GRID2: variants seen among roughly 807,000 people sequenced by gnomAD.
GRID2 encodes glutamate receptor ionotropic, delta-2.
Under a neutral mutation model 114.8 loss-of-function variants are expected in GRID2, and 33 were observed. That is an observed-to-expected ratio of 0.29 (90% CI 0.22 to 0.38). The LOEUF (loss-of-function observed/expected upper bound fraction) is 0.38. Among genes scored for constraint, GRID2 ranks in the 10% least tolerant of loss-of-function variants. GRID2 has a pLI of 1.00. For missense variants in GRID2, 1,184 were observed against 1,257.7 expected, an observed-to-expected ratio of 0.94 and a Z score of 0.89; for synonymous variants, 505 against 449.9, an observed-to-expected ratio of 1.12 and a Z score of -1.55.
At chr4:92,784,993 A>G (rs1560590354) in intron 2 of GRID2, among the ~76,000 whole-genome samples, 1 of 151,624 alleles carries the variant, frequency 6.6e-6, no homozygotes, top group Non-Finnish European at 1.5e-5. Context: ...AAATCCTTTT[A>G]GAATGTGGAA....
intron 13 of GRID2, among the ~76,000 whole-genome samples, chr4:93,517,873 C>T (rs903334442): frequency 3.3e-5 from 5 of 150,180 alleles, no homozygotes; most frequent in Non-Finnish European, 7.4e-5. Context: ...TCTATAATAT[C>T]TTGGGCAAGA....
At chr4:92,599,466 C>T (rs1480187692) in intron 2 of GRID2, among the ~76,000 whole-genome samples, 1 of 152,058 alleles carries the variant, frequency 6.6e-6, no homozygotes, top group African/African-American at 2.4e-5. Context: ...GTTATCTTTC[C>T]ATGCTTTGCA....
intron 2 of GRID2, among the ~76,000 whole-genome samples, chr4:92,870,010 T>C (rs1050493443): frequency 6.6e-6 from 1 of 151,012 alleles, no homozygotes; most frequent in Non-Finnish European, 1.5e-5. Context: ...GAGCAACCAA[T>C]ATAGTGAGAC....
chr4:92,415,346 G>T (rs1731543784), intron 1 of GRID2, among the ~76,000 whole-genome samples: 1 of 151,022 alleles, frequency 6.6e-6, no homozygotes, highest in African/African-American at 2.4e-5. Context: ...TAATAGTTTT[G>T]GGAGAACAGG....
chr4:93,381,958 C>T (rs1222728532), intron 8 of GRID2, among the ~76,000 whole-genome samples: 1 of 152,074 alleles, frequency 6.6e-6, no homozygotes, highest in Non-Finnish European at 1.5e-5. Flanking sequence ...CTCCTCTCAA[C>T]TTTTGTATAC....
intron 1 of GRID2, among the ~76,000 whole-genome samples, chr4:93,806,176 G>A (rs1735025315): frequency 1.3e-5 from 2 of 152,190 alleles, no homozygotes; most frequent in Admixed American, 1.3e-4. Flanking sequence ...TTTGATTTGT[G>A]ATTATAAACA....
At chr4:93,568,803 G>C (rs1448076587) in intron 13 of GRID2, among the ~76,000 whole-genome samples, 1 of 152,104 alleles carries the variant, frequency 6.6e-6, no homozygotes, top group Non-Finnish European at 1.5e-5. Context: ...TTCAATAACT[G>C]TACTTTAAAC....
At chr4:93,637,023 T>G (rs1721470950) in intron 14 of GRID2, among the ~76,000 whole-genome samples, 1 of 152,164 alleles carries the variant, frequency 6.6e-6, no homozygotes, top group Admixed American at 6.6e-5. Flanking sequence ...GTCAATATAT[T>G]ACATAAAAGA....
At chr4:92,604,535 G>A (rs764461493) in intron 2 of GRID2, among the ~76,000 whole-genome samples, 1 of 151,878 alleles carries the variant, frequency 6.6e-6, no homozygotes, top group Non-Finnish European at 1.5e-5. Context: ...GACTTTTGGG[G>A]GTTATGGAGA....
intron 8 of GRID2, among the ~76,000 whole-genome samples, chr4:93,387,065 C>T (rs1764389218): frequency 6.6e-6 from 1 of 152,128 alleles, no homozygotes; most frequent in African/African-American, 2.4e-5. Flanking sequence ...TTTGTATTGC[C>T]TAGGGCAGGG....
chr4:93,003,177 A>T (rs2149219307), intron 2 of GRID2, among the ~76,000 whole-genome samples: 1 of 152,054 alleles, frequency 6.6e-6, no homozygotes, highest in Middle Eastern at 3.4e-3. Flanking sequence ...TCAGCCTACC[A>T]AAATGATACA....
chr4:93,203,270 C>A (rs933733084), intron 4 of GRID2, among the ~76,000 whole-genome samples: 41 of 152,190 alleles, frequency 2.7e-4, no homozygotes, highest in African/African-American at 9.4e-4. Flanking sequence ...TGAATATTTT[C>A]TCAGATAATA....
intron 2 of GRID2, among the ~76,000 whole-genome samples, chr4:92,904,339 AAAAT>A (rs1441577671): frequency 5.3e-5 from 8 of 149,852 alleles, no homozygotes; most frequent in South Asian, 2.1e-4. Flanking sequence ...AATAAATAAT[AAAAT>A]AAATAAAATA....
At chr4:92,987,695 T>C (rs137931633) in intron 2 of GRID2, among the ~76,000 whole-genome samples, 19 of 152,304 alleles carry the variant, frequency 1.2e-4, no homozygotes, top group Admixed American at 3.3e-4. Flanking sequence ...TGAGATGATA[T>C]GGTTTTTGAA....
At chr4:93,741,256 A>G (rs981885118) in intron 14 of GRID2, among the ~76,000 whole-genome samples, 3 of 144,040 alleles carry the variant, frequency 2.1e-5, no homozygotes, top group African/African-American at 7.8e-5. Context: ...TCAATGGACC[A>G]AGATACAGAC....
intron 10 of GRID2, among the ~76,000 whole-genome samples, chr4:93,429,467 C>T (rs1307273169): frequency 6.6e-6 from 1 of 152,058 alleles, no homozygotes; most frequent in Non-Finnish European, 1.5e-5. Context: ...ATGGTTATTA[C>T]AATGGAAGAT....
chr4:92,749,691 A>G (rs957176762), intron 2 of GRID2, among the ~76,000 whole-genome samples: 2 of 152,148 alleles, frequency 1.3e-5, no homozygotes, highest in Non-Finnish European at 2.9e-5. Context: ...CATAATGGCA[A>G]GGTTTCCTTT....
intron 2 of GRID2, among the ~76,000 whole-genome samples, chr4:92,994,986 T>C (rs1298749129): frequency 6.6e-6 from 1 of 152,114 alleles, no homozygotes; most frequent in Non-Finnish European, 1.5e-5. Context: ...TGCAAACATG[T>C]ATTTTTTTTT....
intron 8 of GRID2, among the ~76,000 whole-genome samples, chr4:93,360,638 G>A (rs1053260161): frequency 2.0e-5 from 3 of 151,776 alleles, no homozygotes; most frequent in East Asian, 1.9e-4. Flanking sequence ...AACATGCTCA[G>A]AATTTCAAAA....
Sources: allele counts gnomAD v4.1 joint callset (sites outside exome capture counted in the v4.1 genomes callset), GRCh38; gene constraint gnomAD v4.1.1; transcripts MANE v1.5; gene names NCBI Gene and HGNC (gene_info 2026-07-23, HGNC 2026-07-21).